Variants in FDX1 observed in about 807,000 individuals in gnomAD.
FDX1 encodes ferredoxin 1.
In FDX1, 9 loss-of-function variants were observed where a neutral mutation model predicts 14.9. That is an observed-to-expected ratio of 0.60 (90% CI 0.36 to 1.05). The LOEUF is 1.05. Ranked by LOEUF, FDX1 falls within the 50% of genes least tolerant of loss-of-function variation. The pLI is 0.01. For synonymous variants in FDX1, 92 were observed against 99.4 expected, an observed-to-expected ratio of 0.93 and a Z score of 0.44; for missense variants, 204 against 237.2, an observed-to-expected ratio of 0.86 and a Z score of 0.92.
chr11:110,433,052 A>T (rs115247317), intron 1 of FDX1, among the ~76,000 whole-genome samples: 1 of 152,224 alleles, frequency 6.6e-6, no homozygotes, highest in African/African-American at 2.4e-5. Flanking sequence ...ATGTTGTCCA[A>T]TTTTATAGAA....
chr11:110,448,653 T>C (rs1946467734), intron 2 of FDX1, among the ~76,000 whole-genome samples: 1 of 152,214 alleles, frequency 6.6e-6, no homozygotes, highest in South Asian at 2.1e-4. Context: ...ATTATTCCTG[T>C]TTTAAAAAAA....
At chr11:110,441,129 A>G (rs557598128) in intron 2 of FDX1, among the ~76,000 whole-genome samples, 14 of 152,334 alleles carry the variant, frequency 9.2e-5, no homozygotes, top group African/African-American at 3.4e-4. Context: ...GCCTTCTGCC[A>G]GTATTGTGAG....
intron 2 of FDX1, among the ~76,000 whole-genome samples, chr11:110,447,876 A>T (rs746490555): frequency 6.6e-6 from 1 of 152,144 alleles, no homozygotes; most frequent in Non-Finnish European, 1.5e-5. Flanking sequence ...TTTAGTAATT[A>T]TGTATTTCTT....
chr11:110,430,045 G>GC lies in FDX1; in HGVS notation c.-71dup. The GC allele has an allele frequency of 3.7e-6, 4 of 1,080,232 alleles. No homozygotes were observed. Among genetic ancestry groups the GC allele is most frequent in the Non-Finnish European group, 4.7e-6 (4 of 858,660 alleles). 66.9% of individuals were successfully genotyped at this position (1,080,232 alleles called of 1,614,324 possible). A position where few individuals can be genotyped will look rare whatever the true frequency, so the allele number is the denominator to read the frequency against. On this transcript the variant is annotated 5_prime_UTR_variant, in exon 1 of 4. Coordinates refer to ENST00000260270, the MANE Select transcript of FDX1 (RefSeq NM_004109.5). ...CTCGGGCGTCTGCGCCGCAGCTGCC[G>GC]CCCCCGCCTCTTTGGAGTCTCTCGC... is the stretch of plus-strand genomic sequence containing the variant.
chr11:110,444,747 CG>C (rs1565382121), intron 2 of FDX1, among the ~76,000 whole-genome samples: 2 of 34,870 alleles, frequency 5.7e-5, no homozygotes, highest in Non-Finnish European at 9.3e-5. Context: ...TATATATACA[CG>C]TATATATATA....
In FDX1 at chr11:110,461,496, T is replaced by TA. The variant is rs59467093; in HGVS notation, c.441-838dup. The stretch of plus-strand genomic sequence containing the variant: ...TGGGTGACAGAGCCAGACCCTGTCT[T>TA]AAAAAAAAAAAAAAAAAAAAGAAGG... On this transcript the variant is annotated intron_variant, in intron 3 of 3. Coordinates refer to ENST00000260270, the MANE Select transcript of FDX1 (RefSeq NM_004109.5). 3.9e-3 allele frequency among the ~76,000 whole-genome samples: 411 copies of TA among 106,306 alleles called. 2 individuals carry two copies. Among genetic ancestry groups the TA allele is most frequent in the African/African-American group, 7.7e-3 (211 of 27,234 alleles). 69.7% of individuals were successfully genotyped at this position (106,306 alleles called of 152,430 possible).
At position 110,430,187 on chromosome 11, in the gene FDX1, CGGT is replaced by C. The variant is rs2134562470; in HGVS notation, c.70_72del (p.Trp24del). 8.1e-7 allele frequency: 1 copy of C among 1,230,370 alleles called. No homozygotes were observed. The highest frequency in any genetic ancestry group is 1.0e-6 in the Non-Finnish European group (1 of 988,834). The allele number at this position is 1,230,370 out of a possible 1,614,324, so 76.2% of individuals were successfully genotyped here. A position where few individuals can be genotyped will look rare whatever the true frequency, so the allele number is the denominator to read the frequency against. ...TGCTGTCCTCGGCGGCCCGGCCGGC[CGGT>C]GGCTGCACCACGCTGGGTCCCGCGC... On this transcript the variant is annotated inframe_deletion, in exon 1 of 4. Coordinates refer to ENST00000260270, the MANE Select transcript of FDX1 (RefSeq NM_004109.5).
chr11:110,458,824 C>G (rs980792803), intron 3 of FDX1, among the ~76,000 whole-genome samples: 3 of 152,100 alleles, frequency 2.0e-5, no homozygotes, highest in Non-Finnish European at 2.9e-5. Flanking sequence ...GCCAGGCTGT[C>G]TCGAACTCCT....
chr11:110,461,238 G>A (rs1248195147), intron 3 of FDX1, among the ~76,000 whole-genome samples: 3 of 152,090 alleles, frequency 2.0e-5, no homozygotes, highest in Admixed American at 2.0e-4. Flanking sequence ...GCTCATACCT[G>A]TTATCCCAAC....
chr11:110,444,686 ACG>A (rs1491429101), intron 2 of FDX1, among the ~76,000 whole-genome samples: 13,005 of 57,890 alleles, frequency 0.22, 1,585 homozygotes, highest in Non-Finnish European at 0.27. Context: ...ATATATATAC[ACG>A]TATATATATA....
At chr11:110,441,332 G>A (rs1423446667) in intron 2 of FDX1, among the ~76,000 whole-genome samples, 5 of 152,212 alleles carry the variant, frequency 3.3e-5, no homozygotes, top group Non-Finnish European at 7.3e-5. Flanking sequence ...GCAGACATTG[G>A]AACAGTTTGG....
intron 2 of FDX1, among the ~76,000 whole-genome samples, chr11:110,440,227 T>C (rs1220089472): frequency 6.6e-6 from 1 of 152,196 alleles, no homozygotes; most frequent in Non-Finnish European, 1.5e-5. Flanking sequence ...AAAGCAACTT[T>C]TGGTTTTGTT....
At chr11:110,444,723 C>CACATATATAT (rs1946435882) in intron 2 of FDX1, among the ~76,000 whole-genome samples, 12 of 23,916 alleles carry the variant, frequency 5.0e-4, no homozygotes, top group African/African-American at 3.2e-3. Context: ...TATATATATA[C>CACATATATAT]GTATATATAT....
At chr11:110,455,046 G>C (rs568807998) in intron 2 of FDX1, among the ~76,000 whole-genome samples, 1 of 152,080 alleles carries the variant, frequency 6.6e-6, no homozygotes, top group South Asian at 2.1e-4. Context: ...TCACTCTGTC[G>C]CCCAGGCTGG....
intron 1 of FDX1, among the ~76,000 whole-genome samples, chr11:110,434,725 G>GTTTTTTTTTTTTTTT (rs56907322): frequency 6.6e-5 from 7 of 105,702 alleles, no homozygotes; most frequent in Non-Finnish European, 9.7e-5. Context: ...GACTTTTTTT[G>GTTTTTTTTTTTTTTT]TTTTTTTTTT....
chr11:110,437,197 T>C (rs1019242899), intron 2 of FDX1, among the ~76,000 whole-genome samples: 1 of 152,196 alleles, frequency 6.6e-6, no homozygotes, highest in Non-Finnish European at 1.5e-5. Flanking sequence ...TTTTGCCACA[T>C]TGCCCAGCCT....
chr11:110,460,141 A>G (rs775951640), intron 3 of FDX1, among the ~76,000 whole-genome samples: 14 of 152,248 alleles, frequency 9.2e-5, no homozygotes, highest in Non-Finnish European at 1.6e-4. Context: ...TCTCTTGCAG[A>G]CAGAGCTTAA....
rs1416705103 is a variant in FDX1, at chr11:110,444,742, ATACACG to A, written c.310+8787_310+8792del. ...TATATACGTATATATATATATATATATACACGTATATATATATATATATATTTGCAG... is the reference window on the plus strand; with the variant it reads ...TATATACGTATATATATATATATATATATATATATATATATATATTTGCAG... On this transcript the variant is annotated intron_variant, in intron 2 of 3. Coordinates refer to ENST00000260270, the MANE Select transcript of FDX1 (RefSeq NM_004109.5). Among the ~76,000 whole-genome samples the A allele has an allele frequency of 9.3e-3, 482 of 51,964 alleles. 30 individuals are homozygous for A. The highest frequency in any genetic ancestry group is 0.041 in the African/African-American group (446 of 10,890). The allele number at this position is 51,964 out of a possible 152,430, so 34.1% of individuals were successfully genotyped here.
At chr11:110,430,397 C>A in intron 1 of FDX1, 92 bp downstream of exon 1, 1 of 890,456 alleles carries the variant, frequency 1.1e-6, no homozygotes, top group Non-Finnish European at 1.4e-6. Flanking sequence ...GGTTCCAGTG[C>A]CTTCTGCGCG....
Sources: allele counts gnomAD v4.1 joint callset (sites outside exome capture counted in the v4.1 genomes callset), GRCh38; gene constraint gnomAD v4.1.1; transcripts MANE v1.5; gene names NCBI Gene and HGNC (gene_info 2026-07-23, HGNC 2026-07-21).